CAMK2G: variants seen among roughly 807,000 people sequenced by gnomAD.
CAMK2G encodes the protein calcium/calmodulin-dependent protein kinase type II subunit gamma.
A neutral mutation model predicts 88.7 loss-of-function variants in CAMK2G; 23 were observed. The ratio of observed to expected loss-of-function variants is 0.26; its 90% CI spans 0.19 to 0.37. The LOEUF is 0.37. CAMK2G is among the 10% of genes least tolerant of loss of function. CAMK2G has a pLI of 1.00. For missense variants in CAMK2G, 476 were observed against 780.8 expected (o/e 0.61, Z 4.65); for synonymous variants, 263 against 294.8 (o/e 0.89, Z 1.11).
At chr10:73,815,522 C>A (rs992399288) in intron 21 of CAMK2G, among the ~76,000 whole-genome samples, 1 of 151,952 alleles carries the variant, frequency 6.6e-6, no homozygotes, top group Non-Finnish European at 1.5e-5. Flanking sequence ...TTTACATGCC[C>A]GAGCTGTATT....
intron 2 of CAMK2G, among the ~76,000 whole-genome samples, chr10:73,871,174 A>G (rs2095815773): frequency 6.6e-6 from 1 of 152,188 alleles, no homozygotes; most frequent in African/African-American, 2.4e-5. Flanking sequence ...GGGAAAAAAA[A>G]AAAAATCAAC....
chr10:73,821,880 C>A, intron 17 of CAMK2G, 150 bp from the exon 18 acceptor site: 1 of 665,164 alleles, frequency 1.5e-6, no homozygotes, highest in Non-Finnish European at 2.7e-6. Context: ...CTGACTCTTC[C>A]CAAATCCCCT....
intron 3 of CAMK2G, among the ~76,000 whole-genome samples, chr10:73,853,912 G>A (rs2094830377): frequency 6.6e-6 from 1 of 152,246 alleles, no homozygotes; most frequent in African/African-American, 2.4e-5. Context: ...GCGGGATTCA[G>A]GAGGAACAGA....
chr10:73,826,288 C>G (rs2090917954), intron 15 of CAMK2G, among the ~76,000 whole-genome samples: 1 of 152,128 alleles, frequency 6.6e-6, no homozygotes, highest in Non-Finnish European at 1.5e-5. Flanking sequence ...CAAAAATTAG[C>G]CGGGCATGGT....
At chr10:73,867,930 C>G (rs1402524644) in intron 2 of CAMK2G, among the ~76,000 whole-genome samples, 1 of 152,180 alleles carries the variant, frequency 6.6e-6, no homozygotes, top group African/African-American at 2.4e-5. Flanking sequence ...AAAAAAGACC[C>G]CAGACAAAGC....
intron 17 of CAMK2G, among the ~76,000 whole-genome samples, chr10:73,822,362 TTCA>T (rs2089222170): frequency 6.6e-6 from 1 of 152,158 alleles, no homozygotes. Flanking sequence ...GAGATGGGGT[TTCA>T]TCATGTTGGC....
intron 2 of CAMK2G, among the ~76,000 whole-genome samples, chr10:73,868,216 GGTT>G (rs1462316207): frequency 6.6e-6 from 1 of 152,128 alleles, no homozygotes; most frequent in East Asian, 1.9e-4. Context: ...TCACCTCTAG[GGTT>G]TCAGCACAGC....
intron 16 of CAMK2G, 71 bp downstream of exon 16, chr10:73,825,208 C>A (rs1273731688): frequency 6.2e-5 from 67 of 1,088,890 alleles, no homozygotes; most frequent in Non-Finnish European, 8.7e-5. Flanking sequence ...GGAGGGGGCA[C>A]AAGAGGAGGA....
chr10:73,871,921 T>C (rs74499026), intron 2 of CAMK2G, among the ~76,000 whole-genome samples: 1,583 of 152,304 alleles, frequency 0.01, 21 homozygotes, highest in East Asian at 0.053. Context: ...ACATCTATTA[T>C]GTCTCTTATC....
At chr10:73,846,781 T>A (rs1200260721) in intron 10 of CAMK2G, 1 of 162,006 alleles carries the variant, frequency 6.2e-6, no homozygotes. Flanking sequence ...GCGCAGAAGC[T>A]TTATGCCTCA....
intron 3 of CAMK2G, 62 bp from the exon 4 acceptor site, chr10:73,853,308 T>TGAGGAGAAG: frequency 1.4e-6 from 2 of 1,462,008 alleles, no homozygotes; most frequent in Non-Finnish European, 1.9e-6. Context: ...CCTAGGCTTC[T>TGAGGAGAAG]CCTCAGCAGC....
rs1412801241 is a variant in CAMK2G at position 73,843,847 on chromosome 10, T to C, written c.820-1306A>G. Among the ~76,000 whole-genome samples, 3 of 152,116 alleles carry C rather than the reference T, an allele frequency of 2.0e-5. No homozygotes were observed. The East Asian group carries it at 5.8e-4, about 29-fold the overall frequency. Reference sequence around the variant, plus strand: ...TCTCCAAAAGCAAAATGAGAGGTCATCAGCAAGAACCCCTTTCAGCTCAGA... The same window carrying C: ...TCTCCAAAAGCAAAATGAGAGGTCACCAGCAAGAACCCCTTTCAGCTCAGA... On this transcript the variant is annotated intron_variant, in intron 10 of 22. Coordinates refer to ENST00000423381, the MANE Select transcript of CAMK2G (RefSeq NM_001367534.1).
At chr10:73,870,188 C>T (rs1298466549) in intron 2 of CAMK2G, among the ~76,000 whole-genome samples, 1 of 152,196 alleles carries the variant, frequency 6.6e-6, no homozygotes, top group East Asian at 1.9e-4. Flanking sequence ...TTGCCATCAC[C>T]TGGCCCACTA....
At position 73,848,536 on chromosome 10, in the gene CAMK2G, G is replaced by C. The variant is rs145050479; in HGVS notation, c.591C>G (p.Ile197Met). Residue 197 changes from isoleucine to methionine, a missense_variant, in exon 8 of 23, where the codon ATC (isoleucine) becomes ATG (methionine). Ile to Met is a conservative substitution (Grantham distance 10). Coordinates refer to ENST00000423381, the MANE Select transcript of CAMK2G (RefSeq NM_001367534.1). The surrounding 1 kb of genome is among the most constrained non-coding windows in gnomAD (Gnocchi z 4.5). ...GTGGAATGGGCTTACCGCAGGCCCAGATATCCACAGGTTTTCCATAGGGAT... is the reference window on the plus strand; with the variant it reads ...GTGGAATGGGCTTACCGCAGGCCCACATATCCACAGGTTTTCCATAGGGAT... The part of the protein sequence containing the change: ...RKDPYGKPVD[I>M]WACGVILYIL... 15 of 1,611,292 alleles carry C rather than the reference G, an allele frequency of 9.3e-6. No homozygotes were observed. Among genetic ancestry groups the C allele is most frequent in the Non-Finnish European group, 1.3e-5 (15 of 1,177,894 alleles).
rs778838628 is a variant in CAMK2G at position 73,833,909 on chromosome 10, G to GTTT, written c.1053+3556_1053+3558dup. ...CCACCACACCTAGCCTATCTACTGG[G>GTTT]TTTTTTTTTTTTTTTTTTTTTTTTT... On this transcript the variant is annotated intron_variant, in intron 14 of 22. Transcript: ENST00000423381. 2.2e-3 allele frequency among the ~76,000 whole-genome samples: 139 copies of GTTT among 63,418 alleles called. 32 individuals carry two copies. The highest frequency in any genetic ancestry group is 9.3e-3 in the African/African-American group (113 of 12,126). 41.6% of individuals were successfully genotyped at this position (63,418 alleles called of 152,430 possible).
At chr10:73,847,098 G>C (rs1008685091) in intron 10 of CAMK2G, 127 bp downstream of exon 10, 17 of 958,564 alleles carry the variant, frequency 1.8e-5, no homozygotes, top group Non-Finnish European at 9.6e-6. Flanking sequence ...ACAGTCCTCT[G>C]CCCGCCTGCT....
intron 12 of CAMK2G, among the ~76,000 whole-genome samples, chr10:73,840,726 C>G (rs182018468): frequency 6.6e-6 from 1 of 152,334 alleles, no homozygotes; most frequent in African/African-American, 2.4e-5. Context: ...TATTGACTGG[C>G]TGGGCTAAAA....
At chr10:73,829,538 G>A (rs1004908648) in intron 14 of CAMK2G, among the ~76,000 whole-genome samples, 2 of 151,984 alleles carry the variant, frequency 1.3e-5, no homozygotes, top group African/African-American at 2.4e-5. Context: ...GACCTCAGGT[G>A]ATCCACCTAC....
chr10:73,819,683 A>G, intron 18 of CAMK2G, 38 bp from the exon 19 acceptor site: 2 of 1,320,626 alleles, frequency 1.5e-6, no homozygotes, highest in South Asian at 1.3e-5. Context: ...GGCAAGGCAG[A>G]GCAGCCAAAA....
Sources: gnomAD v4.1 joint callset for allele counts (sites outside exome capture counted in the v4.1 genomes callset) on GRCh38, gnomAD v4.1.1 for gene constraint, Gnocchi (gnomAD v3.1) non-coding constraint, MANE v1.5 for transcripts, NCBI Gene and HGNC (gene_info 2026-07-23, HGNC 2026-07-21) for gene names.